The following TTLL5 variants were observed in gnomAD, a reference collection of about 807,000 sequenced individuals.
The protein encoded by TTLL5 is tubulin polyglutamylase TTLL5.
Under a neutral mutation model 168.4 loss-of-function variants are expected in TTLL5, and 132 were observed. That is an observed-to-expected ratio of 0.78 (90% confidence interval 0.68 to 0.91). TTLL5 has a LOEUF of 0.91. TTLL5 is among the 40% of genes least tolerant of loss of function. The pLI is 0.00. For synonymous variants in TTLL5, 546 were observed against 558.6 expected (o/e 0.98, Z 0.32); for missense variants, 1,545 against 1,581.5 (o/e 0.98, Z 0.39).
At chr14:75,943,005 AAGAC>A (rs1206978073) in intron 31 of TTLL5, among the ~76,000 whole-genome samples, 2 of 152,200 alleles carry the variant, frequency 1.3e-5, no homozygotes, top group African/African-American at 4.8e-5. Flanking sequence ...TGGCCAAAAA[AAGAC>A]AGAATTTCCA....
intron 31 of TTLL5, among the ~76,000 whole-genome samples, chr14:75,914,452 A>G (rs1318471970): frequency 2.0e-5 from 3 of 152,120 alleles, no homozygotes; most frequent in Admixed American, 2.0e-4. Context: ...CTAACCTCAG[A>G]AGATAAAATC....
intron 26 of TTLL5, among the ~76,000 whole-genome samples, chr14:75,786,740 A>T (rs781189480): frequency 3.9e-5 from 6 of 152,344 alleles, no homozygotes; most frequent in Non-Finnish European, 7.3e-5. Flanking sequence ...ATAAATTCTA[A>T]TGGGGAGAAG....
chr14:75,712,181 G>C lies in TTLL5; in HGVS notation c.740+4474G>C, dbSNP rs541041938. 1.8e-4 allele frequency: 27 copies of C among 152,052 alleles called. 1 individual carries two copies. Among genetic ancestry groups the C allele is most frequent in the Admixed American group, 1.8e-3 (27 of 15,250 alleles). 9.4% of individuals were successfully genotyped at this position (152,052 alleles called of 1,614,324 possible). Reference sequence around the variant, plus strand: ...TTGACAGCAGATCAGAGAGCTCTTGGGCCTCTTGTTCTCTTCCATAAGATT... The same window carrying C: ...TTGACAGCAGATCAGAGAGCTCTTGCGCCTCTTGTTCTCTTCCATAAGATT... On this transcript the variant is annotated intron_variant, in intron 9 of 31. Coordinates refer to ENST00000298832, the MANE Select transcript of TTLL5 (RefSeq NM_015072.5).
intron 31 of TTLL5, chr14:75,906,822 A>G: frequency 1.4e-6 from 1 of 706,854 alleles, no homozygotes; most frequent in Non-Finnish European, 1.7e-6. Context: ...ACTTAGAAGG[A>G]TGCTCCCAAA....
chr14:75,869,406 A>G (rs563773368), intron 29 of TTLL5, among the ~76,000 whole-genome samples: 92 of 152,314 alleles, frequency 6.0e-4, no homozygotes, highest in Middle Eastern at 3.4e-3. Flanking sequence ...GTGACTTAAG[A>G]CAGGTTATTC....
chr14:75,881,856 A>T (rs1346128654), intron 29 of TTLL5, among the ~76,000 whole-genome samples: 1 of 152,202 alleles, frequency 6.6e-6, no homozygotes, highest in East Asian at 1.9e-4. Flanking sequence ...TAATGAGATA[A>T]ATAAGTTGTA....
Position 75,791,456 on chromosome 14 carries a change from A to C in TTLL5, c.2987-1460A>C, listed in dbSNP as rs926938182. Among the ~76,000 whole-genome samples the C allele has an allele frequency of 2.0e-5, 3 of 152,358 alleles. No individual in the cohort carries two copies. In the East Asian group the frequency reaches 5.8e-4, roughly 29 times the overall value. Reference sequence around the variant, plus strand: ...GCAAGTCCCAGGAAATATCTATATTAGGATACCATTTTTGTAGATCTCAAA... The same window carrying C: ...GCAAGTCCCAGGAAATATCTATATTCGGATACCATTTTTGTAGATCTCAAA... On this transcript the variant is annotated intron_variant, in intron 26 of 31. Transcript: ENST00000298832.
chr14:75,665,222 T>C (rs1883169014), intron 2 of TTLL5, among the ~76,000 whole-genome samples: 1 of 152,260 alleles, frequency 6.6e-6, no homozygotes, highest in South Asian at 2.1e-4. Context: ...GCTGTTTTAC[T>C]AATACATTAA....
chr14:75,749,499 C>T (rs979745635), intron 17 of TTLL5, among the ~76,000 whole-genome samples: 3 of 152,092 alleles, frequency 2.0e-5, no homozygotes, highest in Non-Finnish European at 2.9e-5. Context: ...CAGAATTGGA[C>T]GGACTTATAT....
At chr14:75,936,659 G>A (rs1005382073) in intron 31 of TTLL5, among the ~76,000 whole-genome samples, 2 of 152,172 alleles carry the variant, frequency 1.3e-5, no homozygotes, top group East Asian at 1.9e-4. Flanking sequence ...GACTGGGATC[G>A]GCTTGGCCTG....
chr14:75,771,668 G>A (rs1202369388), intron 20 of TTLL5, 66 bp from the exon 21 acceptor site: 1 of 1,599,460 alleles, frequency 6.3e-7, no homozygotes, highest in Non-Finnish European at 8.5e-7. Flanking sequence ...TTGGAGAGAA[G>A]CAAGTACACA....
At chr14:75,942,537 T>C (rs552917858) in intron 31 of TTLL5, among the ~76,000 whole-genome samples, 1 of 152,310 alleles carries the variant, frequency 6.6e-6, no homozygotes, top group South Asian at 2.1e-4. Context: ...CTCCAAATGA[T>C]AAAAGAAACA....
At chr14:75,675,583 G>A (rs1420281955) in intron 3 of TTLL5, among the ~76,000 whole-genome samples, 1 of 152,170 alleles carries the variant, frequency 6.6e-6, no homozygotes, top group African/African-American at 2.4e-5. Context: ...TAGGATATTT[G>A]GCAGTTTGCT....
At position 75,793,002 on chromosome 14, in the gene TTLL5, A is replaced by G. The variant is rs1159416773; in HGVS notation, c.3073A>G (p.Asn1025Asp). The G allele has an allele frequency of 2.5e-6, 4 of 1,613,854 alleles. No homozygotes were observed. In the African/African-American group the frequency reaches 5.3e-5, roughly 22 times the overall value. Reference sequence around the variant, plus strand: ...TGCTTCTTTATATAGCAAACGGTACAACCAAAGTATGGTTACAGCTGAACT... The same window carrying G: ...TGCTTCTTTATATAGCAAACGGTACGACCAAAGTATGGTTACAGCTGAACT... ...EDASLYSKRY[N>D]QSMVTAELQR... is the part of the protein sequence containing the mutation. Residue 1025 changes from asparagine (N) to aspartate (D), a missense_variant, in exon 27 of 32, where the codon AAC becomes GAC. By Grantham distance (23) the Asn-to-Asp change is conservative. Transcript: ENST00000298832.
intron 15 of TTLL5, among the ~76,000 whole-genome samples, chr14:75,742,913 T>A (rs1333381386): frequency 6.6e-6 from 1 of 152,260 alleles, no homozygotes; most frequent in East Asian, 1.9e-4. Flanking sequence ...TTCCTAAATC[T>A]TTCAACTTTC....
intron 12 of TTLL5, among the ~76,000 whole-genome samples, chr14:75,722,771 T>C (rs987399922): frequency 1.3e-5 from 2 of 152,144 alleles, no homozygotes; most frequent in East Asian, 3.9e-4. Context: ...CTGCCTTGGC[T>C]TCCCCAAATA....
chr14:75,886,427 A>G (rs1280086859), intron 30 of TTLL5, among the ~76,000 whole-genome samples: 11 of 152,180 alleles, frequency 7.2e-5, no homozygotes, highest in Non-Finnish European at 1.6e-4. Context: ...ATTAACCAAA[A>G]TGACTTGTTT....
At chr14:75,918,985 G>A (rs1006995992) in intron 31 of TTLL5, among the ~76,000 whole-genome samples, 4 of 151,532 alleles carry the variant, frequency 2.6e-5, no homozygotes, top group Non-Finnish European at 5.9e-5. Context: ...GGTGGATCAC[G>A]AGGTCAGGAG....
intron 28 of TTLL5, among the ~76,000 whole-genome samples, chr14:75,831,565 C>G (rs1895567173): frequency 6.6e-6 from 1 of 152,144 alleles, no homozygotes; most frequent in African/African-American, 2.4e-5. Flanking sequence ...GCTTCTAGAG[C>G]TGCTGTAACT....
Sources: gnomAD v4.1 joint callset for allele counts (sites outside exome capture counted in the v4.1 genomes callset) on GRCh38, gnomAD v4.1.1 for gene constraint, MANE v1.5 for transcripts, NCBI Gene and HGNC (gene_info 2026-07-23, HGNC 2026-07-21) for gene names.